The following FUT8 variants were observed in gnomAD, a reference collection of about 807,000 sequenced individuals.
FUT8 encodes the protein fucosyltransferase 8, also known as alpha-(1,6)-fucosyltransferase.
FUT8 carries 29 observed loss-of-function variants against 71.3 expected under a neutral mutation model. That is an observed-to-expected ratio of 0.41 (90% CI 0.30 to 0.55). The LOEUF is 0.55. FUT8 is among the 20% of genes least tolerant of loss of function. The pLI, the probability that FUT8 is intolerant of heterozygous loss-of-function variation, is 0.34. For missense variants in FUT8, 544 were observed against 702.1 expected, an observed-to-expected ratio of 0.77 and a Z score of 2.55; for synonymous variants, 254 against 239.3, an observed-to-expected ratio of 1.06 and a Z score of -0.57.
At chr14:65,412,623 G>C (rs1381922571), upstream of FUT8, 5 of 296,908 alleles carry the variant, frequency 1.7e-5, no homozygotes, top group African/African-American at 4.7e-5. Flanking sequence ...AGCGAGGAAG[G>C]GGGCGGGGAG....
chr14:65,712,229 G>A (rs186222720), intron 7 of FUT8, among the ~76,000 whole-genome samples: 6 of 152,046 alleles, frequency 3.9e-5, no homozygotes, highest in African/African-American at 9.7e-5. Flanking sequence ...AAATAAACTC[G>A]GTGCTGGCTA....
intron 7 of FUT8, among the ~76,000 whole-genome samples, chr14:65,715,603 C>A (rs1003611242): frequency 2.6e-5 from 4 of 152,188 alleles, no homozygotes; most frequent in Admixed American, 2.6e-4. Context: ...CTGCTATAAA[C>A]TTCTCTGTCA....
At chr14:65,598,941 C>T (rs1888148075) in intron 3 of FUT8, among the ~76,000 whole-genome samples, 1 of 152,090 alleles carries the variant, frequency 6.6e-6, no homozygotes, top group South Asian at 2.1e-4. Context: ...CAGGCATGCA[C>T]CACCACGCCT....
chr14:65,479,222 G>A (rs2066292217), intron 2 of FUT8, among the ~76,000 whole-genome samples: 1 of 152,082 alleles, frequency 6.6e-6, no homozygotes, highest in African/African-American at 2.4e-5. Context: ...TTAATACATG[G>A]CGTCTATATC....
chr14:65,667,905 C>A (rs1288248775), intron 6 of FUT8, among the ~76,000 whole-genome samples: 1 of 151,924 alleles, frequency 6.6e-6, no homozygotes. Flanking sequence ...ATGGAGAGTC[C>A]AGAAATAAAG....
chr14:65,377,428 GT>G, the FUT8 span, among the ~76,000 whole-genome samples: 3 of 152,160 alleles, frequency 2.0e-5, no homozygotes, highest in African/African-American at 7.2e-5. Flanking sequence ...AAACCCAAAT[GT>G]GATAAAATGG....
intron 9 of FUT8, among the ~76,000 whole-genome samples, chr14:65,726,688 A>G (rs1895703208): frequency 6.6e-6 from 1 of 152,110 alleles, no homozygotes; most frequent in African/African-American, 2.4e-5. Context: ...GCCACTCCCA[A>G]ATCTCATGTC....
chr14:65,650,152 A>G (rs530726512), intron 6 of FUT8, among the ~76,000 whole-genome samples: 18 of 152,048 alleles, frequency 1.2e-4, no homozygotes, highest in South Asian at 2.1e-4. Context: ...AAAAAAAATT[A>G]GCCGGGCGTG....
chr14:65,452,830 C>T (rs1296095435), intron 1 of FUT8, among the ~76,000 whole-genome samples: 1 of 152,138 alleles, frequency 6.6e-6, no homozygotes, highest in East Asian at 1.9e-4. Flanking sequence ...TTCCAACGTT[C>T]TAGTTTTTAT....
In FUT8 at chr14:65,666,277, C is replaced by T. The variant is rs976222814; in HGVS notation, c.598-2966C>T. On this transcript the variant is annotated intron_variant, in intron 6 of 10. Coordinates refer to ENST00000673929, the MANE Select transcript of FUT8 (RefSeq NM_001371533.1). ...GCAGGATTCTTTCCTGAATAAGAAA[C>T]GTACTGGATCAGTCCTGACCTATTT... Among the ~76,000 whole-genome samples, 7 of 152,024 alleles carry T rather than the reference C, an allele frequency of 4.6e-5. No individual in the cohort carries two copies. In the East Asian group the frequency reaches 5.8e-4, roughly 13 times the overall value.
intron 6 of FUT8, among the ~76,000 whole-genome samples, chr14:65,665,574 A>G (rs1401626884): frequency 6.6e-6 from 1 of 152,188 alleles, no homozygotes; most frequent in African/African-American, 2.4e-5. Flanking sequence ...CAGCAGTCCC[A>G]TTACTGGATA....
At chr14:65,487,452 A>G (rs1384460959) in intron 2 of FUT8, among the ~76,000 whole-genome samples, 8 of 150,968 alleles carry the variant, frequency 5.3e-5, no homozygotes, top group African/African-American at 2.0e-4. Context: ...AATCCAAGCT[A>G]CTCGGGAGGC....
intron 3 of FUT8, among the ~76,000 whole-genome samples, chr14:65,581,880 C>T (rs1887111484): frequency 6.6e-6 from 1 of 152,090 alleles, no homozygotes; most frequent in Non-Finnish European, 1.5e-5. Flanking sequence ...TCTAAGAGGA[C>T]TTTTGCATAT....
intron 7 of FUT8, among the ~76,000 whole-genome samples, chr14:65,692,551 G>T (rs1164843064): frequency 5.5e-5 from 8 of 144,916 alleles, no homozygotes; most frequent in Admixed American, 4.7e-4. Flanking sequence ...CTGGCCGGGA[G>T]GGGGGCTGAC....
At chr14:65,687,363 T>C (rs1256381773) in intron 7 of FUT8, among the ~76,000 whole-genome samples, 7 of 152,186 alleles carry the variant, frequency 4.6e-5, no homozygotes, top group Non-Finnish European at 1.0e-4. Context: ...TTGTGTTAAT[T>C]GGACAGTAGT....
intron 7 of FUT8, among the ~76,000 whole-genome samples, chr14:65,693,342 C>CA (rs1345869883): frequency 6.6e-6 from 1 of 152,158 alleles, no homozygotes; most frequent in Non-Finnish European, 1.5e-5. Flanking sequence ...CCGTCTCCAC[C>CA]AAAAAAATAC....
In FUT8 at chr14:65,740,529, A is replaced by T. The variant is rs539659612; in HGVS notation, c.1411-1564A>T. Among the ~76,000 whole-genome samples, 7 of 152,124 alleles carry T rather than the reference A, an allele frequency of 4.6e-5. No individual in the cohort carries two copies. In the East Asian group the frequency reaches 7.8e-4, roughly 17 times the overall value. On this transcript the variant is annotated intron_variant, in intron 10 of 10. Coordinates refer to ENST00000673929, the MANE Select transcript of FUT8 (RefSeq NM_001371533.1). ...AGAAATACCTGAGACTGGGCAATTT[A>T]TAAAGAAAAGAGGTTTAACTGGCTC...
At chr14:65,445,792 T>G (rs2065730705) in intron 1 of FUT8, among the ~76,000 whole-genome samples, 1 of 152,232 alleles carries the variant, frequency 6.6e-6, no homozygotes, top group African/African-American at 2.4e-5. Flanking sequence ...AAAACCTTTA[T>G]TTTTTATTTT....
intron 3 of FUT8, among the ~76,000 whole-genome samples, chr14:65,609,710 T>C (rs1888779793): frequency 6.6e-6 from 1 of 151,882 alleles, no homozygotes; most frequent in Admixed American, 6.6e-5. Context: ...TTTTGTTCAT[T>C]CATTCATTCA....
Sources: allele counts gnomAD v4.1 joint callset (sites outside exome capture counted in the v4.1 genomes callset), GRCh38; gene constraint gnomAD v4.1.1; transcripts MANE v1.5; gene names NCBI Gene and HGNC (gene_info 2026-07-23, HGNC 2026-07-21).